Variants in CCSER1 observed in about 807,000 individuals in gnomAD.
CCSER1 encodes coiled-coil serine rich protein 1, also known as serine-rich coiled-coil domain-containing protein 1.
In CCSER1, 41 loss-of-function variants were observed where a neutral mutation model predicts 82.0. The observed-to-expected ratio is 0.50, with a 90% CI of 0.39 to 0.65. The LOEUF (loss-of-function observed/expected upper bound fraction) is 0.65. Ranked by LOEUF, CCSER1 falls within the 30% of genes least tolerant of loss-of-function variation. CCSER1 has a pLI of 0.00. For synonymous variants in CCSER1, 414 were observed against 383.9 expected, an observed-to-expected ratio of 1.08 and a Z score of -0.92; for missense variants, 1,119 against 1,064.2, an observed-to-expected ratio of 1.05 and a Z score of -0.72.
chr4:91,116,272 A>C (rs1726587500), intron 10 of CCSER1, among the ~76,000 whole-genome samples: 1 of 152,310 alleles, frequency 6.6e-6, no homozygotes, highest in Admixed American at 6.5e-5. Flanking sequence ...TGTCCTTTGT[A>C]GGGACATGGA....
chr4:91,521,744 A>G (rs752140572), intron 10 of CCSER1, among the ~76,000 whole-genome samples: 3 of 152,052 alleles, frequency 2.0e-5, no homozygotes, highest in Non-Finnish European at 4.4e-5. Context: ...ATTTTCTTGT[A>G]AATTTGTTTA....
chr4:91,291,350 A>G (rs1332452921), intron 10 of CCSER1, among the ~76,000 whole-genome samples: 1 of 152,048 alleles, frequency 6.6e-6, no homozygotes, highest in Non-Finnish European at 1.5e-5. Context: ...TAGAATGTGT[A>G]AAATGTTTCA....
intron 10 of CCSER1, among the ~76,000 whole-genome samples, chr4:91,152,298 C>T (rs1444941218): frequency 1.3e-5 from 2 of 152,098 alleles, no homozygotes; most frequent in African/African-American, 2.4e-5. Flanking sequence ...GATTGCAACC[C>T]CTGCTCCCCT....
intron 7 of CCSER1, among the ~76,000 whole-genome samples, chr4:90,746,180 C>T (rs1377079088): frequency 2.6e-5 from 4 of 152,082 alleles, no homozygotes; most frequent in Non-Finnish European, 5.9e-5. Flanking sequence ...TTTACAATTT[C>T]TTCCAATAGA....
At chr4:90,519,449 G>T (rs916382284) in intron 5 of CCSER1, among the ~76,000 whole-genome samples, 1 of 151,798 alleles carries the variant, frequency 6.6e-6, no homozygotes, top group African/African-American at 2.4e-5. Context: ...CATTTGTTAT[G>T]TATATAAGCT....
In CCSER1 at chr4:91,306,052, AGTGTGTTT is replaced by A. The variant is rs1745047526; in HGVS notation, c.2217+220065_2217+220072del. Among the ~76,000 whole-genome samples, 6 of 92,476 alleles carry A rather than the reference AGTGTGTTT, an allele frequency of 6.5e-5. No homozygotes were observed. The South Asian group carries it at 2.5e-3, about 38-fold the overall frequency. The allele number at this position is 92,476 out of a possible 152,430, so 60.7% of individuals were successfully genotyped here. A position where few individuals can be genotyped will look rare whatever the true frequency, so the allele number is the denominator to read the frequency against. ...GGTGGGGACACAACCAAACCATATC[AGTGTGTTT>A]GTGTGTGTGTGTGTGTGTGTGTGTG... On this transcript the variant is annotated intron_variant, in intron 10 of 10. Coordinates refer to ENST00000509176, the MANE Select transcript of CCSER1 (RefSeq NM_001145065.2).
At chr4:90,898,863 T>C (rs1724168072) in intron 8 of CCSER1, among the ~76,000 whole-genome samples, 1 of 151,368 alleles carries the variant, frequency 6.6e-6, no homozygotes, top group African/African-American at 2.4e-5. Flanking sequence ...TTGTATGGTT[T>C]GAAGTTGGAT....
chr4:90,329,697 G>A (rs938908219), intron 3 of CCSER1, among the ~76,000 whole-genome samples: 2 of 151,950 alleles, frequency 1.3e-5, no homozygotes, highest in Non-Finnish European at 2.9e-5. Context: ...AAAATTAATT[G>A]AGCAGTATGC....
intron 6 of CCSER1, among the ~76,000 whole-genome samples, chr4:90,637,887 C>CT (rs35020447): frequency 0.48 from 73,002 of 151,834 alleles, 20,781 homozygotes; most frequent in African/African-American, 0.8. Context: ...ATCCAAAGGC[C>CT]CTTTTCATTT....
chr4:90,695,531 A>C (rs1292129058), intron 6 of CCSER1, among the ~76,000 whole-genome samples: 1 of 152,070 alleles, frequency 6.6e-6, no homozygotes, highest in Non-Finnish European at 1.5e-5. Flanking sequence ...AGACCTAGAA[A>C]GGAGTAAGGA....
chr4:91,412,460 G>A (rs562595630), intron 10 of CCSER1, among the ~76,000 whole-genome samples: 1 of 152,116 alleles, frequency 6.6e-6, no homozygotes, highest in South Asian at 2.1e-4. Context: ...ACACATCTGT[G>A]AAATTGGTAA....
At chr4:90,187,237 T>A (rs915592197) in intron 1 of CCSER1, among the ~76,000 whole-genome samples, 5 of 151,956 alleles carry the variant, frequency 3.3e-5, no homozygotes, top group Admixed American at 6.6e-5. Flanking sequence ...TTAAAATTGG[T>A]GTGATTAAAA....
intron 8 of CCSER1, chr4:90,911,299 G>A: frequency 2.2e-6 from 1 of 456,100 alleles, no homozygotes; most frequent in Non-Finnish European, 4.4e-6. Flanking sequence ...TTATTTGCTT[G>A]GCTGTGTTTC....
intron 5 of CCSER1, among the ~76,000 whole-genome samples, chr4:90,591,605 C>T (rs749179816): frequency 2.0e-5 from 3 of 152,144 alleles, no homozygotes; most frequent in Non-Finnish European, 4.4e-5. Context: ...ATTAGTTCAA[C>T]CATTGTGGAA....
chr4:91,457,216 T>C (rs958823353), intron 10 of CCSER1, among the ~76,000 whole-genome samples: 2 of 152,178 alleles, frequency 1.3e-5, no homozygotes, highest in African/African-American at 4.8e-5. Context: ...AGAACATGAG[T>C]AAATTATACA....
intron 10 of CCSER1, among the ~76,000 whole-genome samples, chr4:91,335,433 A>G (rs1169782012): frequency 6.6e-6 from 1 of 152,144 alleles, no homozygotes; most frequent in East Asian, 1.9e-4. Flanking sequence ...AGAGAGGACC[A>G]GAAAGACTGA....
chr4:90,830,269 C>G, intron 8 of CCSER1, among the ~76,000 whole-genome samples: 1 of 152,100 alleles, frequency 6.6e-6, no homozygotes, highest in East Asian at 1.9e-4. Flanking sequence ...CTTACCTCAC[C>G]CTTGGCCGTA....
intron 1 of CCSER1, among the ~76,000 whole-genome samples, chr4:90,169,697 A>G (rs1731262776): frequency 6.6e-6 from 1 of 152,040 alleles, no homozygotes; most frequent in South Asian, 2.1e-4. Flanking sequence ...AAACGGTTTT[A>G]TTGTGGAGCA....
intron 5 of CCSER1, among the ~76,000 whole-genome samples, chr4:90,611,059 C>CTTTTTT (rs201354908): frequency 1.5e-3 from 143 of 93,798 alleles, no homozygotes; most frequent in South Asian, 2.0e-3. Flanking sequence ...CTTTTCTTTT[C>CTTTTTT]TTTTTTTTTT....
Sources: gnomAD v4.1 joint callset for allele counts (sites outside exome capture counted in the v4.1 genomes callset) on GRCh38, gnomAD v4.1.1 for gene constraint, MANE v1.5 for transcripts, NCBI Gene and HGNC (gene_info 2026-07-23, HGNC 2026-07-21) for gene names.